CSGALNACT1: variants seen among roughly 807,000 people sequenced by gnomAD.
The protein encoded by CSGALNACT1 is beta4GalNAcT-1.
Under a neutral mutation model 51.0 loss-of-function variants are expected in CSGALNACT1, and 52 were observed. The ratio of observed to expected loss-of-function variants is 1.02; its 90% CI spans 0.82 to 1.29. The LOEUF is 1.29. Among genes scored for constraint, CSGALNACT1 ranks in the 50% most tolerant of loss-of-function variants. CSGALNACT1 has a pLI of 0.00. For missense variants in CSGALNACT1, 935 were observed against 679.2 expected, an observed-to-expected ratio of 1.38 and a Z score of -4.19; for synonymous variants, 341 against 254.4, an observed-to-expected ratio of 1.34 and a Z score of -3.24.
intron 3 of CSGALNACT1, among the ~76,000 whole-genome samples, chr8:19,552,980 C>T (rs745457468): frequency 5.3e-5 from 8 of 152,114 alleles, no homozygotes; most frequent in African/African-American, 1.9e-4. Context: ...CCCTGGAGAA[C>T]ATAAGGAAGG....
At chr8:19,745,255 T>G (rs2064576524) in intron 1 of CSGALNACT1, among the ~76,000 whole-genome samples, 1 of 152,218 alleles carries the variant, frequency 6.6e-6, no homozygotes, top group Non-Finnish European at 1.5e-5. Flanking sequence ...GAGCCTTAAT[T>G]TAACTGAAAA....
intron 5 of CSGALNACT1, among the ~76,000 whole-genome samples, chr8:19,457,027 C>G (rs1363502867): frequency 1.3e-5 from 2 of 152,182 alleles, no homozygotes; most frequent in African/African-American, 4.8e-5. Flanking sequence ...AACTTCCTAT[C>G]CAGAGATGAT....
chr8:19,579,754 C>T (rs777924558), intron 3 of CSGALNACT1, among the ~76,000 whole-genome samples: 7 of 152,170 alleles, frequency 4.6e-5, no homozygotes, highest in Non-Finnish European at 7.3e-5. Flanking sequence ...TGGTATTTGC[C>T]TACCCTCTTT....
chr8:19,644,522 C>A (rs559452449), intron 1 of CSGALNACT1, among the ~76,000 whole-genome samples: 8 of 150,852 alleles, frequency 5.3e-5, no homozygotes, highest in Non-Finnish European at 7.4e-5. Flanking sequence ...CCAGCCTGGC[C>A]AACATGGTAA....
At chr8:19,702,403 T>G (rs2061929476) in intron 1 of CSGALNACT1, among the ~76,000 whole-genome samples, 1 of 152,042 alleles carries the variant, frequency 6.6e-6, no homozygotes, top group Non-Finnish European at 1.5e-5. Context: ...TCCCAGCTAC[T>G]TGGGAGGCTG....
At chr8:19,442,338 G>C (rs1268776217) in intron 5 of CSGALNACT1, among the ~76,000 whole-genome samples, 5 of 152,100 alleles carry the variant, frequency 3.3e-5, no homozygotes, top group Admixed American at 3.3e-4. Flanking sequence ...AACAATGACA[G>C]AGTGGATTAA....
intron 1 of CSGALNACT1, among the ~76,000 whole-genome samples, chr8:19,740,403 C>A (rs969349221): frequency 6.6e-6 from 1 of 152,212 alleles, no homozygotes; most frequent in Non-Finnish European, 1.5e-5. Context: ...GGGGGCAGCA[C>A]CCCCACAACC....
intron 3 of CSGALNACT1, among the ~76,000 whole-genome samples, chr8:19,581,822 AG>A (rs1366747530): frequency 2.0e-5 from 3 of 152,234 alleles, no homozygotes; most frequent in African/African-American, 4.8e-5. Flanking sequence ...TGGTTACATT[AG>A]TCTCTTAACA....
At chr8:19,706,013 C>A (rs955303880) in intron 1 of CSGALNACT1, among the ~76,000 whole-genome samples, 1 of 152,128 alleles carries the variant, frequency 6.6e-6, no homozygotes, top group African/African-American at 2.4e-5. Context: ...GCAAAAAAAT[C>A]TGGAGGTGCA....
chr8:19,679,487 C>G (rs1212900546), intron 1 of CSGALNACT1, among the ~76,000 whole-genome samples: 1 of 151,990 alleles, frequency 6.6e-6, no homozygotes, highest in Non-Finnish European at 1.5e-5. Flanking sequence ...AAATAAAACA[C>G]AAAGGGAAAA....
chr8:19,701,756 G>A (rs1205629985), intron 1 of CSGALNACT1, among the ~76,000 whole-genome samples: 1 of 152,190 alleles, frequency 6.6e-6, no homozygotes, highest in East Asian at 1.9e-4. Flanking sequence ...GAAAGTTTAA[G>A]TAATTTACCC....
intron 4 of CSGALNACT1, among the ~76,000 whole-genome samples, chr8:19,500,205 G>C (rs969907813): frequency 7.2e-5 from 11 of 152,106 alleles, no homozygotes; most frequent in Admixed American, 3.9e-4. Context: ...ACAGTAGTCA[G>C]AAGGACCCCG....
intron 6 of CSGALNACT1, among the ~76,000 whole-genome samples, chr8:19,425,108 C>T (rs544789477): frequency 6.8e-4 from 104 of 152,190 alleles, no homozygotes; most frequent in African/African-American, 2.3e-3. Flanking sequence ...TTTGGGAGGC[C>T]GAGACAGGCA....
intron 4 of CSGALNACT1, among the ~76,000 whole-genome samples, chr8:19,476,765 G>C (rs1243273806): frequency 3.3e-5 from 5 of 152,160 alleles, no homozygotes; most frequent in Non-Finnish European, 7.3e-5. Context: ...ACACAACATG[G>C]ACAGGATACA....
intron 1 of CSGALNACT1, among the ~76,000 whole-genome samples, chr8:19,668,335 C>T (rs1212954904): frequency 8.5e-6 from 1 of 117,714 alleles, no homozygotes; most frequent in Non-Finnish European, 1.8e-5. Flanking sequence ...CACATACATG[C>T]ACGGTTACAC....
chr8:19,688,639 T>C (rs1289575043), intron 1 of CSGALNACT1: 1 of 152,118 alleles, frequency 6.6e-6, no homozygotes, highest in Non-Finnish European at 1.5e-5. Context: ...ATCTTTATTT[T>C]AAAAAAAGAA....
Position 19,757,169 on chromosome 8 carries a change from G to A in CSGALNACT1, c.-297+681C>T, listed in dbSNP as rs113959470. ...GGCACACCGCGCCCGGCTGGCCCGG[G>A]AGGGGACCCGACTCACCCGAAGCGC... On this transcript the variant is annotated intron_variant, in intron 1 of 1. Transcript: ENST00000517494. The surrounding 1 kb of genome is among the most constrained non-coding windows in gnomAD (Gnocchi z 4.0). 9,530 of 149,690 alleles carry A rather than the reference G, an allele frequency of 0.064. 385 individuals are homozygous for A. Among genetic ancestry groups the A allele is most frequent in the Non-Finnish European group, 0.089 (5,948 of 66,924 alleles). 9.3% of individuals were successfully genotyped at this position (149,690 alleles called of 1,614,324 possible). A position where few individuals can be genotyped will look rare whatever the true frequency, so the allele number is the denominator to read the frequency against.
chr8:19,478,345 C>T (rs764528077), intron 4 of CSGALNACT1, among the ~76,000 whole-genome samples: 3 of 132,858 alleles, frequency 2.3e-5, no homozygotes, highest in Non-Finnish European at 3.1e-5. Flanking sequence ...ACCCAGGAGG[C>T]GGAGCTTGCA....
At chr8:19,692,686 T>C (rs531505672) in intron 1 of CSGALNACT1, among the ~76,000 whole-genome samples, 2 of 152,290 alleles carry the variant, frequency 1.3e-5, no homozygotes, top group Non-Finnish European at 2.9e-5. Context: ...ATAATCATGG[T>C]AATGGAAATT....
Sources: allele counts gnomAD v4.1 joint callset (sites outside exome capture counted in the v4.1 genomes callset), GRCh38; gene constraint gnomAD v4.1.1; non-coding constraint Gnocchi (gnomAD v3.1); transcripts MANE v1.5; gene names NCBI Gene and HGNC (gene_info 2026-07-23, HGNC 2026-07-21).